The following TYW1 variants were observed in gnomAD, a reference collection of about 807,000 sequenced individuals.
TYW1 encodes S-adenosyl-L-methionine-dependent tRNA 4-demethylwyosine synthase TYW1.
A neutral mutation model predicts 96.2 loss-of-function variants in TYW1; 46 were observed. The observed-to-expected ratio is 0.48, with a 90% CI of 0.38 to 0.61. The LOEUF is 0.61. Ranked by LOEUF, TYW1 falls within the 20% of genes least tolerant of loss-of-function variation. The probability of loss-of-function intolerance (pLI) is 0.00; values close to 1 mark genes in which losing one functional copy is unlikely to be tolerated. For missense variants in TYW1, 684 were observed against 909.6 expected, an observed-to-expected ratio of 0.75 and a Z score of 3.19; for synonymous variants, 274 against 323.0, an observed-to-expected ratio of 0.85 and a Z score of 1.63.
At chr7:67,237,138 G>A (rs1357667243) in intron 15 of TYW1, among the ~76,000 whole-genome samples, 1 of 152,130 alleles carries the variant, frequency 6.6e-6, no homozygotes, top group African/African-American at 2.4e-5. Context: ...CACCTGCCTC[G>A]GCCTTTGAAA....
chr7:67,148,648 G>C (rs1287387338), intron 13 of TYW1, among the ~76,000 whole-genome samples: 1 of 151,944 alleles, frequency 6.6e-6, no homozygotes, highest in Non-Finnish European at 1.5e-5. Flanking sequence ...AGCCAGGATG[G>C]TCTCGATCTC....
rs578023195 is a variant in TYW1, at chr7:67,051,740, T to G, written c.1102+1674T>G. Among the ~76,000 whole-genome samples the G allele has an allele frequency of 4.1e-3, 623 of 151,748 alleles. 3 individuals are homozygous for G. Among genetic ancestry groups the G allele is most frequent in the African/African-American group, 0.014 (565 of 41,466 alleles). Reference sequence around the variant, plus strand: ...ACTGTTTTTGTTTTTTTGTTTTTTTTTTTTTTTCTAATTTAAGCTTACCTG... The same window carrying G: ...ACTGTTTTTGTTTTTTTGTTTTTTTGTTTTTTTCTAATTTAAGCTTACCTG... On this transcript the variant is annotated intron_variant, in intron 8 of 15. Coordinates refer to ENST00000359626, the MANE Select transcript of TYW1 (RefSeq NM_018264.4).
At chr7:67,129,502 T>C (rs1797999528) in intron 13 of TYW1, among the ~76,000 whole-genome samples, 2 of 152,238 alleles carry the variant, frequency 1.3e-5, no homozygotes, top group South Asian at 4.1e-4. Flanking sequence ...TCTGCTCCTG[T>C]TAAGTTGTGA....
chr7:67,202,133 G>A (rs527527591), intron 15 of TYW1, among the ~76,000 whole-genome samples: 24 of 152,192 alleles, frequency 1.6e-4, no homozygotes, highest in Admixed American at 3.9e-4. Context: ...GTTTTCTGGC[G>A]CTTCTTTTCC....
chr7:67,188,567 T>G (rs1468857265), intron 14 of TYW1, among the ~76,000 whole-genome samples: 1 of 152,028 alleles, frequency 6.6e-6, no homozygotes, highest in African/African-American at 2.4e-5. Context: ...TAGTAGACAG[T>G]ACTCGGGTTT....
chr7:67,128,363 G>A (rs1269650311), intron 13 of TYW1, among the ~76,000 whole-genome samples: 1 of 152,082 alleles, frequency 6.6e-6, no homozygotes, highest in Admixed American at 6.5e-5. Context: ...GTGTTTTAGA[G>A]CTCCAGCATT....
At chr7:67,068,068 G>A (rs1483222135) in intron 10 of TYW1, among the ~76,000 whole-genome samples, 1 of 150,818 alleles carries the variant, frequency 6.6e-6, no homozygotes, top group Non-Finnish European at 1.5e-5. Flanking sequence ...GTTGCCCAGG[G>A]TGGAGGGCAA....
At chr7:67,204,563 TCTTCTTC>T (rs1421789743) in intron 15 of TYW1, among the ~76,000 whole-genome samples, 18 of 145,046 alleles carry the variant, frequency 1.2e-4, no homozygotes, top group Admixed American at 2.1e-4. Flanking sequence ...TCTTCTTCTT[TCTTCTTC>T]CTTCTTCCTT....
At chr7:67,148,833 A>T (rs1413697603) in intron 13 of TYW1, among the ~76,000 whole-genome samples, 1 of 152,184 alleles carries the variant, frequency 6.6e-6, no homozygotes, top group Non-Finnish European at 1.5e-5. Flanking sequence ...GGTGGTTTGA[A>T]CTGACATTTT....
chr7:67,110,165 C>A (rs1416815357), intron 12 of TYW1, among the ~76,000 whole-genome samples: 3 of 152,150 alleles, frequency 2.0e-5, no homozygotes, highest in Non-Finnish European at 4.4e-5. Flanking sequence ...GTGGCATTAA[C>A]AGCTAGGGCA....
rs34088521 is a variant in TYW1 at position 67,006,438 on chromosome 7, CTTTTTTTTTT to C, written c.274-3135_274-3126del. Among the ~76,000 whole-genome samples, 651 of 114,766 alleles carry C rather than the reference CTTTTTTTTTT, an allele frequency of 5.7e-3. 5 individuals carry two copies. The highest frequency in any genetic ancestry group is 0.02 in the African/African-American group (602 of 30,408). The allele number at this position is 114,766 out of a possible 152,430, so 75.3% of individuals were successfully genotyped here. ...CCCAATCTCAGGTATTTCTTTTTTC[CTTTTTTTTTT>C]TTTTTTTTTGAGATGGAGTCTCACC... is the stretch of plus-strand genomic sequence containing the variant. On this transcript the variant is annotated intron_variant, in intron 3 of 15. Coordinates refer to ENST00000359626, the MANE Select transcript of TYW1 (RefSeq NM_018264.4).
intron 10 of TYW1, among the ~76,000 whole-genome samples, chr7:67,083,056 C>A (rs1419153586): frequency 6.6e-6 from 1 of 152,150 alleles, no homozygotes. Context: ...AGCAAGTGTT[C>A]CAGCTGTCGT....
At chr7:67,199,323 T>C (rs1166992486) in intron 15 of TYW1, among the ~76,000 whole-genome samples, 2 of 152,236 alleles carry the variant, frequency 1.3e-5, no homozygotes, top group Non-Finnish European at 2.9e-5. Context: ...CTTTTCAGCG[T>C]GTCACACTTG....
chr7:67,149,227 G>A (rs1379409791), intron 13 of TYW1, among the ~76,000 whole-genome samples: 1 of 152,108 alleles, frequency 6.6e-6, no homozygotes, highest in African/African-American at 2.4e-5. Context: ...TACAGGAAAG[G>A]GAAATTAAAA....
intron 3 of TYW1, among the ~76,000 whole-genome samples, chr7:67,006,639 C>T (rs1216992200): frequency 6.6e-6 from 1 of 151,832 alleles, no homozygotes; most frequent in Non-Finnish European, 1.5e-5. Flanking sequence ...GGGGTTTCAC[C>T]ATGTTGCCCA....
intron 11 of TYW1, among the ~76,000 whole-genome samples, chr7:67,097,856 CT>C (rs1796967166): frequency 7.1e-6 from 1 of 140,980 alleles, no homozygotes; most frequent in African/African-American, 2.8e-5. Flanking sequence ...CCATGCCCAG[CT>C]ATTTTTTTTT....
chr7:67,197,645 G>A (rs1800443894), intron 15 of TYW1, among the ~76,000 whole-genome samples: 1 of 152,154 alleles, frequency 6.6e-6, no homozygotes, highest in African/African-American at 2.4e-5. Context: ...TCTTATGGAA[G>A]AGAAATTGAC....
chr7:67,099,348 G>A (rs547800408), intron 12 of TYW1, among the ~76,000 whole-genome samples: 1 of 152,166 alleles, frequency 6.6e-6, no homozygotes, highest in Non-Finnish European at 1.5e-5. Context: ...TTATCTTTAT[G>A]TCTGGGATTG....
chr7:67,196,805 G>A (rs57474510), intron 15 of TYW1, among the ~76,000 whole-genome samples: 42,946 of 150,532 alleles, frequency 0.29, 6,795 homozygotes, highest in African/African-American at 0.43. Flanking sequence ...ATGAGGATAG[G>A]GGAAATAGAT....
Sources: gnomAD v4.1 joint callset for allele counts (sites outside exome capture counted in the v4.1 genomes callset) on GRCh38, gnomAD v4.1.1 for gene constraint, MANE v1.5 for transcripts, NCBI Gene and HGNC (gene_info 2026-07-23, HGNC 2026-07-21) for gene names.